MAGI1: variants seen among roughly 807,000 people sequenced by gnomAD.
MAGI1 encodes membrane associated guanylate kinase, WW and PDZ domain containing 1.
A neutral mutation model predicts 139.9 loss-of-function variants in MAGI1; 58 were observed. That is an observed-to-expected ratio of 0.41 (90% CI 0.34 to 0.52). The LOEUF is 0.52. MAGI1 is among the 20% of genes least tolerant of loss of function. MAGI1 has a pLI of 0.12. For missense variants in MAGI1, 1,874 were observed against 1,901.6 expected (o/e 0.99, Z 0.27); for synonymous variants, 812 against 737.9 (o/e 1.10, Z -1.63).
At chr3:65,759,696 G>T (rs552801040) in intron 1 of MAGI1, among the ~76,000 whole-genome samples, 5 of 152,272 alleles carry the variant, frequency 3.3e-5, no homozygotes, top group African/African-American at 1.2e-4. Context: ...AGGCATAAAA[G>T]AAAGGTCTTC....
At chr3:65,579,567 C>A (rs555775255) in intron 2 of MAGI1, among the ~76,000 whole-genome samples, 1 of 152,250 alleles carries the variant, frequency 6.6e-6, no homozygotes, top group African/African-American at 2.4e-5. Flanking sequence ...TCTCACTGGC[C>A]GGACTCAGTG....
At position 66,038,220 on chromosome 3, in the gene MAGI1, A is replaced by AC; in HGVS notation, c.88dup (p.Val30GlyfsTer56). On this transcript the variant is annotated frameshift_variant, in exon 1 of 23. Transcript: ENST00000402939. LOFTEE classifies it high-confidence loss of function. ...GTGCTCCGCGCCTCCCAGCACCGTC[A>AC]CCCCCAGCTCGCCCTGGGGTCCCCG... The AC allele has an allele frequency of 6.2e-7, 1 of 1,611,642 alleles. No individual in the cohort carries two copies.
Position 65,395,636 on chromosome 3 carries a change from C to CA in MAGI1, c.2200-4279dup, listed in dbSNP as rs58806140. On this transcript the variant is annotated intron_variant, in intron 13 of 22. Transcript: ENST00000402939. ...TGGGTGACAGAGCGAGACTCCATCT[C>CA]AAAAAAAAAAAAAAAAAAAAAGAGG... Among the ~76,000 whole-genome samples the CA allele has an allele frequency of 8.0e-3, 154 of 19,166 alleles. 16 individuals are homozygous for CA. Among genetic ancestry groups the CA allele is most frequent in the East Asian group, 0.08 (54 of 674 alleles). The allele number at this position is 19,166 out of a possible 152,430, so 12.6% of individuals were successfully genotyped here.
intron 1 of MAGI1, among the ~76,000 whole-genome samples, chr3:65,636,792 G>A (rs2084652116): frequency 6.6e-6 from 1 of 152,030 alleles, no homozygotes; most frequent in African/African-American, 2.4e-5. Context: ...AGAAAGGAGA[G>A]AAGGCATAGA....
At chr3:65,867,019 A>AC (rs1482466368) in intron 1 of MAGI1, among the ~76,000 whole-genome samples, 3 of 152,162 alleles carry the variant, frequency 2.0e-5, no homozygotes, top group Non-Finnish European at 4.4e-5. Context: ...GATGTCTGGG[A>AC]AATCTCTCTA....
intron 1 of MAGI1, among the ~76,000 whole-genome samples, chr3:65,960,103 G>A (rs534649844): frequency 4.6e-5 from 7 of 151,972 alleles, no homozygotes; most frequent in East Asian, 3.9e-4. Context: ...CACCGCGCCC[G>A]GCCAATAAAT....
chr3:65,770,616 G>C (rs2037870237), intron 1 of MAGI1, among the ~76,000 whole-genome samples: 1 of 152,164 alleles, frequency 6.6e-6, no homozygotes, highest in Non-Finnish European at 1.5e-5. Context: ...GCTTTTAATA[G>C]GTAATGTGAG....
chr3:65,990,904 T>G (rs1224050813), intron 1 of MAGI1, among the ~76,000 whole-genome samples: 2 of 152,120 alleles, frequency 1.3e-5, no homozygotes, highest in African/African-American at 4.8e-5. Context: ...AAAGAATCAC[T>G]TGAGCCCAGG....
intron 3 of MAGI1, among the ~76,000 whole-genome samples, chr3:65,493,069 C>A (rs1952169514): frequency 7.8e-6 from 1 of 128,702 alleles, no homozygotes; most frequent in Non-Finnish European, 1.6e-5. Flanking sequence ...CAGAGCGAGA[C>A]TCCGTCTCAA....
At chr3:65,745,933 T>C (rs1451952144) in intron 1 of MAGI1, among the ~76,000 whole-genome samples, 1 of 152,244 alleles carries the variant, frequency 6.6e-6, no homozygotes, top group African/African-American at 2.4e-5. Flanking sequence ...ATTTGCCATG[T>C]TGCCCAGGCT....
chr3:65,623,252 G>GGTTGTT (rs55663245), intron 1 of MAGI1, among the ~76,000 whole-genome samples: 35,604 of 151,684 alleles, frequency 0.23, 4,406 homozygotes, highest in Middle Eastern at 0.32. Context: ...GTTGCTTTTT[G>GGTTGTT]GTTGTTGTTG....
At chr3:65,973,077 G>A (rs1210427811) in intron 1 of MAGI1, among the ~76,000 whole-genome samples, 2 of 152,102 alleles carry the variant, frequency 1.3e-5, no homozygotes, top group African/African-American at 4.8e-5. Flanking sequence ...TTGGGCCCAG[G>A]AGTTGGAGGC....
chr3:65,956,828 T>A (rs898802600), intron 1 of MAGI1, among the ~76,000 whole-genome samples: 1 of 151,480 alleles, frequency 6.6e-6, no homozygotes, highest in East Asian at 1.9e-4. Context: ...TGAGACCCCA[T>A]CTCTATATAA....
chr3:65,630,506 A>G (rs557388045), intron 1 of MAGI1, among the ~76,000 whole-genome samples: 3 of 152,288 alleles, frequency 2.0e-5, no homozygotes, highest in Admixed American at 6.5e-5. Flanking sequence ...GAAAAATGTG[A>G]TATCTATACA....
intron 1 of MAGI1, chr3:65,874,432 T>C (rs1418869838): frequency 2.0e-5 from 3 of 152,136 alleles, no homozygotes; most frequent in African/African-American, 7.2e-5. Flanking sequence ...ATAAAAGACA[T>C]ATAACACTAT....
chr3:65,731,451 A>C (rs1255000313), intron 1 of MAGI1, among the ~76,000 whole-genome samples: 1 of 151,424 alleles, frequency 6.6e-6, no homozygotes, highest in Non-Finnish European at 1.5e-5. Context: ...CCAGAAGTTC[A>C]AGACCAGCCT....
chr3:65,876,900 C>A (rs914835698), intron 1 of MAGI1, among the ~76,000 whole-genome samples: 1 of 151,902 alleles, frequency 6.6e-6, no homozygotes, highest in Non-Finnish European at 1.5e-5. Flanking sequence ...CCTGCCACCA[C>A]GCCCAGCTAA....
chr3:65,895,564 G>T (rs75019158), intron 1 of MAGI1, among the ~76,000 whole-genome samples: 1,711 of 152,198 alleles, frequency 0.011, 31 homozygotes, highest in African/African-American at 0.039. Context: ...TCCCTACAAA[G>T]ACTCTTTATA....
intron 1 of MAGI1, among the ~76,000 whole-genome samples, chr3:65,821,951 A>G (rs780219128): frequency 1.3e-5 from 2 of 152,230 alleles, no homozygotes; most frequent in Admixed American, 6.5e-5. Context: ...TTTCAAGATG[A>G]CCATTTCAAC....
Sources: allele counts gnomAD v4.1 joint callset (sites outside exome capture counted in the v4.1 genomes callset), GRCh38; gene constraint gnomAD v4.1.1; transcripts MANE v1.5; gene names NCBI Gene and HGNC (gene_info 2026-07-23, HGNC 2026-07-21).